Variants in MYOM2 observed in about 807,000 individuals in gnomAD.
MYOM2 encodes myomesin-2.
A neutral mutation model predicts 187.6 loss-of-function variants in MYOM2; 254 were observed. That is an observed-to-expected ratio of 1.35 (90% confidence interval 1.22 to 1.50). The LOEUF is 1.50. MYOM2 is among the 40% of genes most tolerant of loss of function. The pLI, the probability that MYOM2 is intolerant of heterozygous loss-of-function variation, is 0.00. For missense variants in MYOM2, 2,796 were observed against 1,924.0 expected, an observed-to-expected ratio of 1.45 and a Z score of -8.48; for synonymous variants, 981 against 753.8, an observed-to-expected ratio of 1.30 and a Z score of -4.94.
intron 3 of MYOM2, among the ~76,000 whole-genome samples, chr8:2,054,534 C>A (rs1818594090): frequency 6.6e-6 from 1 of 152,222 alleles, no homozygotes; most frequent in Non-Finnish European, 1.5e-5. Context: ...AGAAATATTT[C>A]CTCAATGTCC....
chr8:2,129,327 A>C, intron 32 of MYOM2, 95 bp downstream of exon 32: 1 of 729,920 alleles, frequency 1.4e-6, no homozygotes, highest in Non-Finnish European at 2.4e-6. Context: ...ACATCAAGGC[A>C]CTGCCATTTC....
At chr8:2,100,553 G>A in intron 19 of MYOM2, 1 of 303,890 alleles carries the variant, frequency 3.3e-6, no homozygotes, top group South Asian at 5.3e-5. Flanking sequence ...CCCGTGGAGG[G>A]TAACTTGAGA....
chr8:2,133,102 A>T lies in MYOM2; in HGVS notation c.3800+3870A>T, dbSNP rs575375849. On this transcript the variant is annotated intron_variant, in intron 32 of 36. Transcript: ENST00000262113. Reference sequence around the variant, plus strand: ...TATGTGCAGTCCCCTCTCAGAAAGCACAGGGTGTTTCCAGTTCTCTGCATG... The same window carrying T: ...TATGTGCAGTCCCCTCTCAGAAAGCTCAGGGTGTTTCCAGTTCTCTGCATG... Among the ~76,000 whole-genome samples the T allele has an allele frequency of 2.6e-5, 4 of 152,236 alleles. No homozygotes were observed. In the East Asian group the frequency reaches 7.7e-4, roughly 29 times the overall value.
chr8:2,125,115 C>A, intron 31 of MYOM2, among the ~76,000 whole-genome samples: 1 of 152,080 alleles, frequency 6.6e-6, no homozygotes, highest in Non-Finnish European at 1.5e-5. Context: ...TTTACTTTTG[C>A]TTTTGTTGCC....
chr8:2,072,489 G>A lies in MYOM2; in HGVS notation c.938G>A (p.Arg313His), dbSNP rs759987270. ...CCGGACCTGAAGCGGGTGCAGCCGC[G>A]CGCCGAGTGGTACCGCGATGGTGAG... ...VTPDLKRVQPRAEWYRDDVLL... is the reference protein window; with the variant it reads ...VTPDLKRVQPHAEWYRDDVLL... The change falls in exon 9 of 37, where the codon CGC becomes CAC. Residue 313 changes from arginine to histidine, a missense_variant. Arg to His is a conservative substitution (Grantham distance 29). Transcript: ENST00000262113. The A allele has an allele frequency of 1.1e-5, 18 of 1,613,516 alleles. No individual in the cohort carries two copies. Among genetic ancestry groups the A allele is most frequent in the South Asian group, 6.6e-5 (6 of 91,082 alleles).
At chr8:2,072,627 C>A in intron 9 of MYOM2, 118 bp downstream of exon 9, 1 of 1,237,134 alleles carries the variant, frequency 8.1e-7, no homozygotes, top group Non-Finnish European at 1.1e-6. Flanking sequence ...CTCCAGACAG[C>A]GAAACAAACT....
In MYOM2 at chr8:2,082,104, A is replaced by C. The variant is rs2116686803; in HGVS notation, c.1516+2491A>C. On this transcript the variant is annotated intron_variant, in intron 13 of 36. Transcript: ENST00000262113. Reference sequence around the variant, plus strand: ...GAGACGTGGACACTGCCTGAGGCTCAGCCTCCCCGGCTTCAGTTCTCTGAC... The same window carrying C: ...GAGACGTGGACACTGCCTGAGGCTCCGCCTCCCCGGCTTCAGTTCTCTGAC... 2 of 152,352 alleles carry C rather than the reference A, an allele frequency of 1.3e-5. 1 individual carries two copies. Among genetic ancestry groups the C allele is most frequent in the East Asian group, 3.9e-4 (2 of 5,174 alleles). 9.4% of individuals were successfully genotyped at this position (152,352 alleles called of 1,614,324 possible).
At chr8:2,076,339 G>A (rs117394877) in intron 11 of MYOM2, 57 bp downstream of exon 11, 18,645 of 1,578,372 alleles carry the variant, frequency 0.012, 161 homozygotes, top group Non-Finnish European at 0.014. Context: ...TCTTACCATG[G>A]ACAATATATT....
chr8:2,070,242 G>A lies in MYOM2; in HGVS notation c.793+745G>A, dbSNP rs183679505. 3.1e-3 allele frequency among the ~76,000 whole-genome samples: 467 copies of A among 152,326 alleles called. 1 individual carries two copies. Among genetic ancestry groups the A allele is most frequent in the Non-Finnish European group, 5.1e-3 (348 of 68,022 alleles). On this transcript the variant is annotated intron_variant, in intron 8 of 36. Transcript: ENST00000262113. ...GGCCTGAACTTCCCAGGAAGGAACC[G>A]TACATTCCGATGGAAGCACTGATTT...
At chr8:2,095,350 C>CGTG (rs1796443618) in intron 17 of MYOM2, among the ~76,000 whole-genome samples, 2 of 148,194 alleles carry the variant, frequency 1.3e-5, no homozygotes, top group African/African-American at 5.1e-5. Context: ...GGGGTGCAGT[C>CGTG]GTGTGATCAC....
At chr8:2,144,097 C>G (rs1356646983) in intron 36 of MYOM2, among the ~76,000 whole-genome samples, 6 of 152,174 alleles carry the variant, frequency 3.9e-5, no homozygotes, top group Admixed American at 2.0e-4. Flanking sequence ...TAGACGTCTT[C>G]TTTAGTAGCT....
chr8:2,097,169 T>G, intron 18 of MYOM2: 1 of 909,834 alleles, frequency 1.1e-6, no homozygotes, highest in Non-Finnish European at 1.3e-6. Flanking sequence ...AGATCTAATC[T>G]TTGTCTACTA....
intron 6 of MYOM2, among the ~76,000 whole-genome samples, chr8:2,060,063 A>G (rs558983779): frequency 6.6e-6 from 1 of 152,356 alleles, no homozygotes; most frequent in African/African-American, 2.4e-5. Context: ...TTTTTTAAAT[A>G]AAAGTGAGAC....
rs1819788914 is a variant in MYOM2, at chr8:2,085,447, A to ACCGCTGTCG, written c.1644+57_1644+58insCCGCTGTCG. Reference sequence around the variant, plus strand: ...GATCTCTGCATGGCCCCCCACTGTCATGATCTCTGCGTGGCCCACCGCTGT... The same window carrying ACCGCTGTCG: ...GATCTCTGCATGGCCCCCCACTGTCACCGCTGTCGTGATCTCTGCGTGGCCCACCGCTGT... On this transcript the variant is annotated intron_variant, in intron 14 of 36. Transcript: ENST00000262113. The ACCGCTGTCG allele has an allele frequency of 3.7e-6, 5 of 1,342,782 alleles. No individual in the cohort carries two copies. The Admixed American group carries it at 8.9e-5, about 24-fold the overall frequency. 83.2% of individuals were successfully genotyped at this position (1,342,782 alleles called of 1,614,324 possible).
chr8:2,073,577 C>T lies in MYOM2; in HGVS notation c.1120+77C>T, dbSNP rs577230399. On this transcript the variant is annotated intron_variant, in intron 10 of 36. Coordinates refer to ENST00000262113, the MANE Select transcript of MYOM2 (RefSeq NM_003970.4). The stretch of plus-strand genomic sequence containing the variant: ...GGAGGCAGCCCTGGGAGGAGGGAGG[C>T]GCTGGGAAAAGGAGTCCAGAGGGTG... The T allele has an allele frequency of 6.4e-5, 95 of 1,474,362 alleles. No homozygotes were observed. The African/African-American group carries it at 8.7e-4, about 14-fold the overall frequency. The allele number at this position is 1,474,362 out of a possible 1,614,324, so 91.3% of individuals were successfully genotyped here.
intron 25 of MYOM2, among the ~76,000 whole-genome samples, chr8:2,113,452 C>T (rs1302148476): frequency 2.0e-5 from 3 of 152,144 alleles, no homozygotes; most frequent in Admixed American, 6.5e-5. Context: ...GAGGTCTCTA[C>T]CCCAGATGCT....
chr8:2,131,381 C>A (rs3824176), intron 32 of MYOM2, among the ~76,000 whole-genome samples: 21,026 of 151,700 alleles, frequency 0.14, 2,535 homozygotes, highest in African/African-American at 0.31. Context: ...GGGATTTGAA[C>A]GCTGGCTGGT....
chr8:2,127,465 G>A (rs1424672809), intron 31 of MYOM2, among the ~76,000 whole-genome samples: 2 of 152,230 alleles, frequency 1.3e-5, no homozygotes, highest in South Asian at 2.1e-4. Flanking sequence ...CTCTGGGGAT[G>A]GGCTCAAATT....
At position 2,076,157 on chromosome 8, in the gene MYOM2, C is replaced by T; in HGVS notation, c.1137C>T (p.Val379=). ...FLFVRDADPL[V]TGAPGAPMDL... ...TGCCCCAAGATGCTGACCCGCTGGT[C>T]ACAGGGGCCCCCGGTGCACCCATGG... Residue 379 remains valine, a synonymous_variant, in exon 11 of 37, where the codon GTC becomes GTT. Transcript: ENST00000262113. 6.2e-7 allele frequency: 1 copy of T among 1,612,474 alleles called. No individual in the cohort carries two copies. Among genetic ancestry groups the T allele is most frequent in the Non-Finnish European group, 8.5e-7 (1 of 1,179,720 alleles).
Sources: gnomAD v4.1 joint callset for allele counts (sites outside exome capture counted in the v4.1 genomes callset) on GRCh38, gnomAD v4.1.1 for gene constraint, MANE v1.5 for transcripts, NCBI Gene and HGNC (gene_info 2026-07-23, HGNC 2026-07-21) for gene names.